Variants in RBFOX1 observed in about 807,000 individuals in gnomAD.
The protein encoded by RBFOX1 is RNA binding protein fox-1 homolog 1.
A neutral mutation model predicts 57.7 loss-of-function variants in RBFOX1; 8 were observed. That is an observed-to-expected ratio of 0.14 (90% CI 0.08 to 0.25). The LOEUF is 0.25. Ranked by LOEUF, RBFOX1 falls within the 10% of genes least tolerant of loss-of-function variation. RBFOX1 has a pLI of 1.00. For missense variants in RBFOX1, 611 were observed against 548.5 expected, an observed-to-expected ratio of 1.11 and a Z score of -1.14; for synonymous variants, 326 against 222.4, an observed-to-expected ratio of 1.47 and a Z score of -4.15.
intron 7 of RBFOX1, among the ~76,000 whole-genome samples, chr16:7,590,685 C>G (rs1040814676): frequency 6.6e-6 from 1 of 151,874 alleles, no homozygotes; most frequent in Non-Finnish European, 1.5e-5. Context: ...CATGGAGAAA[C>G]CTTGTCTTGA....
chr16:5,247,201 C>T lies in RBFOX1; in HGVS notation c.219+7096C>T, dbSNP rs570847009. ...GGGGAGGAGGGGGAAAAGATTCACTCTAAGTCTAGATGCTCTAGCACCCAC... is the reference window on the plus strand; with the variant it reads ...GGGGAGGAGGGGGAAAAGATTCACTTTAAGTCTAGATGCTCTAGCACCCAC... On this transcript the variant is annotated intron_variant, in intron 1 of 2. Coordinates refer to the RBFOX1 transcript ENST00000585867. Among the ~76,000 whole-genome samples the T allele has an allele frequency of 4.6e-5, 7 of 152,298 alleles. No homozygotes were observed. In the South Asian group the frequency reaches 1.5e-3, roughly 32 times the overall value.
At chr16:7,097,323 CAG>C (rs201053173) in intron 4 of RBFOX1, among the ~76,000 whole-genome samples, 52 of 151,382 alleles carry the variant, frequency 3.4e-4, no homozygotes, top group African/African-American at 1.2e-3. Flanking sequence ...GGAGTATGGT[CAG>C]AGAGAGAGAG....
chr16:6,080,008 A>G (rs571358739), intron 1 of RBFOX1, among the ~76,000 whole-genome samples: 1 of 152,346 alleles, frequency 6.6e-6, no homozygotes, highest in East Asian at 1.9e-4. Flanking sequence ...CCATGTAACA[A>G]TCCTCCTAAG....
chr16:6,944,633 TG>T (rs1352160047), intron 3 of RBFOX1, among the ~76,000 whole-genome samples: 1 of 152,054 alleles, frequency 6.6e-6, no homozygotes, highest in African/African-American at 2.4e-5. Flanking sequence ...CTAGTTTTTG[TG>T]GGGGTCTGGC....
chr16:7,493,776 G>T (rs1360888909), intron 4 of RBFOX1, among the ~76,000 whole-genome samples: 3 of 152,186 alleles, frequency 2.0e-5, no homozygotes, highest in African/African-American at 7.2e-5. Flanking sequence ...TGAGAAATCA[G>T]AACTAAAAGA....
At chr16:7,660,004 G>C (rs922360213) in intron 12 of RBFOX1, among the ~76,000 whole-genome samples, 3 of 152,088 alleles carry the variant, frequency 2.0e-5, no homozygotes, top group Non-Finnish European at 2.9e-5. Context: ...AGCGGTATTT[G>C]AACACCTTAA....
At chr16:5,799,687 G>A (rs564240780) in intron 3 of RBFOX1, among the ~76,000 whole-genome samples, 45 of 152,224 alleles carry the variant, frequency 3.0e-4, no homozygotes, top group African/African-American at 9.4e-4. Flanking sequence ...GCCAAGCTGT[G>A]ATGTTCGGTT....
intron 2 of RBFOX1, among the ~76,000 whole-genome samples, chr16:6,506,380 T>C (rs560811132): frequency 6.6e-6 from 1 of 151,990 alleles, no homozygotes; most frequent in South Asian, 2.1e-4. Context: ...GAAAACAGCT[T>C]GGGTGAAGGC....
chr16:6,285,340 A>G (rs2076794119), intron 1 of RBFOX1, among the ~76,000 whole-genome samples: 1 of 152,198 alleles, frequency 6.6e-6, no homozygotes, highest in Non-Finnish European at 1.5e-5. Flanking sequence ...ATCTGGAAGT[A>G]TGAATTCTGA....
intron 3 of RBFOX1, among the ~76,000 whole-genome samples, chr16:6,791,807 G>T (rs997611370): frequency 1.3e-5 from 2 of 152,100 alleles, no homozygotes; most frequent in African/African-American, 4.8e-5. Context: ...TGGCATCCCT[G>T]TGTGTACACA....
At chr16:6,290,157 C>G (rs1599243376) in intron 1 of RBFOX1, among the ~76,000 whole-genome samples, 2 of 141,244 alleles carry the variant, frequency 1.4e-5, no homozygotes, top group East Asian at 4.0e-4. Flanking sequence ...ATGAATTTTG[C>G]TGCATTACCT....
At chr16:7,532,754 A>C (rs545386264) in intron 5 of RBFOX1, among the ~76,000 whole-genome samples, 1 of 152,350 alleles carries the variant, frequency 6.6e-6, no homozygotes, top group Admixed American at 6.5e-5. Context: ...TAACTGGTTC[A>C]CATATTGCCT....
At chr16:7,347,544 A>G (rs778578020) in intron 4 of RBFOX1, among the ~76,000 whole-genome samples, 1 of 152,114 alleles carries the variant, frequency 6.6e-6, no homozygotes, top group Non-Finnish European at 1.5e-5. Flanking sequence ...TTGGGTGAGG[A>G]CACAGCCAAA....
intron 1 of RBFOX1, among the ~76,000 whole-genome samples, chr16:6,157,027 G>A (rs2096843119): frequency 6.6e-6 from 1 of 151,716 alleles, no homozygotes; most frequent in Non-Finnish European, 1.5e-5. Flanking sequence ...GTAGAGATGG[G>A]GTCTTGCTAT....
At chr16:5,868,049 G>A (rs1379342528) in intron 4 of RBFOX1, among the ~76,000 whole-genome samples, 2 of 152,162 alleles carry the variant, frequency 1.3e-5, no homozygotes, top group Non-Finnish European at 2.9e-5. Flanking sequence ...AGGCATGAAA[G>A]GAATTGTGGT....
intron 3 of RBFOX1, among the ~76,000 whole-genome samples, chr16:6,857,872 C>T (rs1211620719): frequency 6.6e-6 from 1 of 152,174 alleles, no homozygotes; most frequent in Non-Finnish European, 1.5e-5. Context: ...CATTTAGCAA[C>T]CTGTCAAATC....
chr16:6,478,425 A>ATTTT (rs1242285726), intron 2 of RBFOX1, among the ~76,000 whole-genome samples: 181 of 11,604 alleles, frequency 0.016, 1 homozygote, highest in Non-Finnish European at 0.024. Flanking sequence ...ATATATATAT[A>ATTTT]TATATTTTTT....
At chr16:6,886,423 C>G (rs1355967351) in intron 3 of RBFOX1, among the ~76,000 whole-genome samples, 1 of 151,846 alleles carries the variant, frequency 6.6e-6, no homozygotes, top group Non-Finnish European at 1.5e-5. Context: ...AAATTTTGTC[C>G]CGCTATTGAT....
At chr16:7,100,292 C>T (rs982488769) in intron 4 of RBFOX1, among the ~76,000 whole-genome samples, 1 of 152,058 alleles carries the variant, frequency 6.6e-6, no homozygotes, top group African/African-American at 2.4e-5. Flanking sequence ...TTAAAAAGAA[C>T]CCTGACTCTT....
Sources: allele counts gnomAD v4.1 joint callset (sites outside exome capture counted in the v4.1 genomes callset), GRCh38; gene constraint gnomAD v4.1.1; transcripts MANE v1.5; gene names NCBI Gene and HGNC (gene_info 2026-07-23, HGNC 2026-07-21).